The following ANKIB1 variants were observed in gnomAD, a reference collection of about 807,000 sequenced individuals.
ANKIB1 encodes the protein ankyrin repeat and IBR domain containing 1.
A neutral mutation model predicts 122.1 loss-of-function variants in ANKIB1; 43 were observed. That is an observed-to-expected ratio of 0.35 (90% CI 0.28 to 0.45). The LOEUF (loss-of-function observed/expected upper bound fraction) is 0.45. Ranked by LOEUF, ANKIB1 falls within the 20% of genes least tolerant of loss-of-function variation. ANKIB1 has a pLI of 1.00. For synonymous variants in ANKIB1, 390 were observed against 442.0 expected (o/e 0.88, Z 1.48); for missense variants, 992 against 1,329.5 (o/e 0.75, Z 3.95).
intron 9 of ANKIB1, among the ~76,000 whole-genome samples, chr7:92,361,416 TGAA>T (rs1361620664): frequency 2.0e-5 from 3 of 152,326 alleles, no homozygotes; most frequent in African/African-American, 7.2e-5. Flanking sequence ...AACTTTAAAA[TGAA>T]GAAGGTTCAT....
intron 10 of ANKIB1, 80 bp downstream of exon 10, chr7:92,362,353 T>A: frequency 7.5e-7 from 1 of 1,334,954 alleles, no homozygotes; most frequent in South Asian, 1.3e-5. Flanking sequence ...TTTTTTAGTC[T>A]TTATTTAAGA....
intron 17 of ANKIB1, 141 bp downstream of exon 17, chr7:92,392,433 A>G: frequency 3.1e-6 from 2 of 642,500 alleles, no homozygotes; most frequent in Non-Finnish European, 5.2e-6. Flanking sequence ...GCCTTGACAG[A>G]GCCTACATTT....
intron 5 of ANKIB1, among the ~76,000 whole-genome samples, chr7:92,338,925 A>G (rs1562786246): frequency 3.4e-5 from 2 of 59,206 alleles, no homozygotes; most frequent in Admixed American, 3.5e-4. Flanking sequence ...AAAAAAAAAA[A>G]AAAAAAAAAT....
At chr7:92,267,032 ACAGT>A (rs1183542673) in intron 1 of ANKIB1, among the ~76,000 whole-genome samples, 3 of 152,290 alleles carry the variant, frequency 2.0e-5, no homozygotes, top group African/African-American at 7.2e-5. Context: ...ATCTTGATAA[ACAGT>A]CAGGGAGTGG....
chr7:92,390,751 T>G (rs990367738), intron 15 of ANKIB1, among the ~76,000 whole-genome samples: 3 of 152,228 alleles, frequency 2.0e-5, no homozygotes, highest in Non-Finnish European at 4.4e-5. Flanking sequence ...CGTCTTGCCT[T>G]AATTCAAATT....
At chr7:92,388,316 G>C (rs192322905) in intron 14 of ANKIB1, among the ~76,000 whole-genome samples, 4 of 152,214 alleles carry the variant, frequency 2.6e-5, no homozygotes. Flanking sequence ...CACTGCTGAT[G>C]CTCTACAATG....
intron 3 of ANKIB1, among the ~76,000 whole-genome samples, chr7:92,318,230 C>T (rs547404412): frequency 1.6e-3 from 239 of 152,152 alleles, no homozygotes; most frequent in African/African-American, 5.4e-3. Flanking sequence ...TAAAAGAATC[C>T]TGTGGCTGGG....
chr7:92,386,304 A>G (rs957904745), intron 11 of ANKIB1, among the ~76,000 whole-genome samples: 3 of 152,212 alleles, frequency 2.0e-5, no homozygotes, highest in African/African-American at 7.2e-5. Context: ...CCTATAAACA[A>G]TAATTTTAAA....
intron 5 of ANKIB1, among the ~76,000 whole-genome samples, chr7:92,332,822 C>G (rs1351535137): frequency 1.3e-5 from 2 of 152,188 alleles, no homozygotes; most frequent in Admixed American, 6.5e-5. Context: ...GACTAGACCT[C>G]TCTTCTGAGC....
chr7:92,335,486 T>C (rs1437191102), intron 5 of ANKIB1, among the ~76,000 whole-genome samples: 2 of 152,020 alleles, frequency 1.3e-5, no homozygotes, highest in African/African-American at 4.8e-5. Flanking sequence ...TTAAAATTTC[T>C]ATTTATGAAT....
chr7:92,348,725 G>T (rs1332822697), intron 7 of ANKIB1, among the ~76,000 whole-genome samples: 1 of 152,114 alleles, frequency 6.6e-6, no homozygotes, highest in Non-Finnish European at 1.5e-5. Context: ...GCTTAGCACA[G>T]GAGTGAAAAT....
intron 2 of ANKIB1, among the ~76,000 whole-genome samples, chr7:92,301,310 G>A (rs1310773849): frequency 6.6e-6 from 1 of 151,324 alleles, no homozygotes; most frequent in African/African-American, 2.4e-5. Context: ...ATTTCCATGA[G>A]CAATGTACCA....
At chr7:92,301,016 G>T (rs1438736663) in intron 2 of ANKIB1, among the ~76,000 whole-genome samples, 1 of 152,064 alleles carries the variant, frequency 6.6e-6, no homozygotes, top group Non-Finnish European at 1.5e-5. Flanking sequence ...TGTCGAAAAT[G>T]GCAGGATTTC....
intron 2 of ANKIB1, among the ~76,000 whole-genome samples, chr7:92,304,228 A>G (rs940961701): frequency 1.3e-5 from 2 of 152,196 alleles, no homozygotes; most frequent in African/African-American, 4.8e-5. Flanking sequence ...AAATTAGAAT[A>G]TTCAATTTTA....
intron 6 of ANKIB1, 112 bp downstream of exon 6, chr7:92,343,344 C>G (rs1803473587): frequency 3.3e-6 from 3 of 903,258 alleles, no homozygotes; most frequent in Non-Finnish European, 5.1e-6. Flanking sequence ...TAATTGAATC[C>G]TATCCCTTTC....
chr7:92,290,370 AGTGTGTGTGTGT>A lies in ANKIB1; in HGVS notation c.-90-4496_-90-4485del, dbSNP rs34404682. On this transcript the variant is annotated intron_variant, in intron 1 of 19. Transcript: ENST00000265742. ...AGACTAAATTGAGTATATGTATGAA[AGTGTGTGTGTGT>A]GTGTGTGTGTGTGTGTGTGTGTATT... Among the ~76,000 whole-genome samples the A allele has an allele frequency of 3.5e-5, 5 of 141,332 alleles. No individual in the cohort carries two copies. The Admixed American group carries it at 3.5e-4, about 10-fold the overall frequency. The allele number at this position is 141,332 out of a possible 152,430, so 92.7% of individuals were successfully genotyped here. A position where few individuals can be genotyped will look rare whatever the true frequency, so the allele number is the denominator to read the frequency against.
chr7:92,288,363 T>C (rs990774294), intron 1 of ANKIB1, among the ~76,000 whole-genome samples: 34 of 152,160 alleles, frequency 2.2e-4, no homozygotes, highest in African/African-American at 7.7e-4. Flanking sequence ...AAGACATAAA[T>C]AGAAATACCA....
intron 1 of ANKIB1, among the ~76,000 whole-genome samples, chr7:92,276,107 T>C (rs1293825847): frequency 2.0e-5 from 3 of 152,212 alleles, no homozygotes; most frequent in African/African-American, 7.2e-5. Context: ...GTTGGTCTCA[T>C]TACGTCTCAT....
At chr7:92,374,278 A>G (rs921350868) in intron 11 of ANKIB1, among the ~76,000 whole-genome samples, 4 of 152,162 alleles carry the variant, frequency 2.6e-5, no homozygotes, top group Non-Finnish European at 5.9e-5. Flanking sequence ...GGAGTTTGAG[A>G]CCATCCTGGC....
Sources: allele counts gnomAD v4.1 joint callset (sites outside exome capture counted in the v4.1 genomes callset), GRCh38; gene constraint gnomAD v4.1.1; transcripts MANE v1.5; gene names NCBI Gene and HGNC (gene_info 2026-07-23, HGNC 2026-07-21).